NELL1: variants seen among roughly 807,000 people sequenced by gnomAD.
NELL1 encodes the protein protein kinase C-binding protein NELL1.
A neutral mutation model predicts 107.4 loss-of-function variants in NELL1; 76 were observed. The ratio of observed to expected loss-of-function variants is 0.71; its 90% CI spans 0.59 to 0.86. The LOEUF (loss-of-function observed/expected upper bound fraction) is 0.86, where lower values mean the gene tolerates loss of function less well. Ranked by LOEUF, NELL1 falls within the 40% of genes least tolerant of loss-of-function variation. The probability of loss-of-function intolerance (pLI) is 0.00; values close to 1 mark genes in which losing one functional copy is unlikely to be tolerated. For missense variants in NELL1, 1,024 were observed against 1,005.5 expected (o/e 1.02, Z -0.25); for synonymous variants, 353 against 341.2 (o/e 1.03, Z -0.38).
In NELL1 at chr11:21,242,042, A is replaced by G. The variant is rs145246019; in HGVS notation, c.1549+12588A>G. Among the ~76,000 whole-genome samples, 477 of 151,928 alleles carry G rather than the reference A, an allele frequency of 3.1e-3. 2 individuals carry two copies. The highest frequency in any genetic ancestry group is 0.011 in the African/African-American group (455 of 41,460). On this transcript the variant is annotated intron_variant, in intron 14 of 19. Coordinates refer to ENST00000357134, the MANE Select transcript of NELL1 (RefSeq NM_006157.5). Reference sequence around the variant, plus strand: ...TTCACATTTCCTTGTCTGTGAATAGATATGATGGCATTTTCAAATTTTTTT... The same window carrying G: ...TTCACATTTCCTTGTCTGTGAATAGGTATGATGGCATTTTCAAATTTTTTT...
intron 13 of NELL1, among the ~76,000 whole-genome samples, chr11:21,128,260 C>T (rs140452742): frequency 1.4e-4 from 22 of 152,192 alleles, no homozygotes; most frequent in African/African-American, 5.1e-4. Flanking sequence ...TGAGTCTTTG[C>T]CTCATTTATG....
At chr11:20,892,185 C>A (rs1219859409) in intron 5 of NELL1, among the ~76,000 whole-genome samples, 1 of 152,178 alleles carries the variant, frequency 6.6e-6, no homozygotes, top group East Asian at 1.9e-4. Flanking sequence ...ACGGTGCGAT[C>A]AAATTAGAAC....
At chr11:21,033,506 T>G (rs1248702637) in intron 12 of NELL1, among the ~76,000 whole-genome samples, 1 of 152,154 alleles carries the variant, frequency 6.6e-6, no homozygotes, top group Admixed American at 6.6e-5. Context: ...TCTGTTTCTT[T>G]ATTAGTTTTC....
chr11:21,326,376 T>G (rs1474583223), intron 14 of NELL1, among the ~76,000 whole-genome samples: 1 of 151,966 alleles, frequency 6.6e-6, no homozygotes, highest in East Asian at 1.9e-4. Flanking sequence ...ATAATAGGAT[T>G]TTTGTTCATG....
chr11:21,280,303 G>A (rs867720221), intron 14 of NELL1, among the ~76,000 whole-genome samples: 12 of 152,144 alleles, frequency 7.9e-5, no homozygotes, highest in South Asian at 2.1e-4. Flanking sequence ...TGTACCAATC[G>A]TTCCACCTAC....
At chr11:21,536,108 A>AT (rs1401234189) in intron 16 of NELL1, among the ~76,000 whole-genome samples, 1 of 151,972 alleles carries the variant, frequency 6.6e-6, no homozygotes, top group Non-Finnish European at 1.5e-5. Context: ...TTTATTTATT[A>AT]TTTTTTCTAC....
rs1015653209 is a variant in NELL1, at chr11:21,076,415, G to C, written c.1301-37174G>C. ...TGGAGGCAAGGCTGATGGAGAAAGT[G>C]ACCTGGAAATAGTACATGTGTTAGG... On this transcript the variant is annotated intron_variant, in intron 12 of 19. Coordinates refer to ENST00000357134, the MANE Select transcript of NELL1 (RefSeq NM_006157.5). Among the ~76,000 whole-genome samples, 24 of 152,190 alleles carry C rather than the reference G, an allele frequency of 1.6e-4. 1 individual carries two copies. Among genetic ancestry groups the C allele is most frequent in the Non-Finnish European group, 1.5e-5 (1 of 68,044 alleles).
chr11:21,396,673 T>G (rs1851988857), intron 15 of NELL1, among the ~76,000 whole-genome samples: 1 of 151,554 alleles, frequency 6.6e-6, no homozygotes. Flanking sequence ...GTATGAGAGG[T>G]TTAGATCTTT....
intron 12 of NELL1, among the ~76,000 whole-genome samples, chr11:20,999,192 A>G (rs752496327): frequency 6.6e-6 from 1 of 152,200 alleles, no homozygotes; most frequent in Admixed American, 6.5e-5. Context: ...GTCATGGCAG[A>G]ATTCTGTACG....
At position 21,169,785 on chromosome 11, in the gene NELL1, C is replaced by T. The variant is rs527874363; in HGVS notation, c.1426+56071C>T. On this transcript the variant is annotated intron_variant, in intron 13 of 19. Transcript: ENST00000357134. The stretch of plus-strand genomic sequence containing the variant: ...GAGGTGGCGGTGGAGTCCCTCCTGC[C>T]GGGCACCCGGAGAGTGGGACAGAAT... The T allele has an allele frequency of 2.7e-5, 36 of 1,314,438 alleles. No individual in the cohort carries two copies. The East Asian group carries it at 6.4e-4, about 23-fold the overall frequency. 81.4% of individuals were successfully genotyped at this position (1,314,438 alleles called of 1,614,324 possible). A position where few individuals can be genotyped will look rare whatever the true frequency, so the allele number is the denominator to read the frequency against.
chr11:20,778,498 C>CTTTTTTTTTTTTTTTTTTTTTTTTT (rs1161737750), intron 2 of NELL1, among the ~76,000 whole-genome samples: 2 of 73,020 alleles, frequency 2.7e-5, no homozygotes, highest in Non-Finnish European at 5.0e-5. Flanking sequence ...TCACCCAGCA[C>CTTTTTTTTTTTTTTTTTTTTTTTTT]TTTTTTTTTT....
At chr11:21,134,029 G>A (rs1855686415) in intron 13 of NELL1, among the ~76,000 whole-genome samples, 1 of 152,228 alleles carries the variant, frequency 6.6e-6, no homozygotes, top group South Asian at 2.1e-4. Flanking sequence ...CTGCCATCAG[G>A]ATCATGAAAA....
intron 13 of NELL1, among the ~76,000 whole-genome samples, chr11:21,114,649 C>T (rs1167965962): frequency 6.6e-6 from 1 of 151,774 alleles, no homozygotes; most frequent in Non-Finnish European, 1.5e-5. Flanking sequence ...CCAGTGATGT[C>T]TATTTATAAG....
chr11:20,741,243 T>TC (rs1210233577), intron 2 of NELL1, among the ~76,000 whole-genome samples: 5 of 152,150 alleles, frequency 3.3e-5, no homozygotes, highest in Non-Finnish European at 5.9e-5. Context: ...ATAGTGTTTT[T>TC]CCCTCTGCCT....
In NELL1 at chr11:21,534,471, C is replaced by T; in HGVS notation, c.1743C>T (p.Phe581=). The change falls in exon 16 of 20, where the codon TTC becomes TTT. Residue 581 remains phenylalanine (F), a synonymous_variant. Transcript: ENST00000357134. The stretch of plus-strand genomic sequence containing the variant: ...ACCACTGTGAGTGCAGAAGCGGTTT[C>T]CATGACGATGGGACCTATTCACTGT... ...GWYHCECRSG[F]HDDGTYSLSG... The T allele has an allele frequency of 6.2e-7, 1 of 1,613,828 alleles. No individual in the cohort carries two copies. Among genetic ancestry groups the T allele is most frequent in the Non-Finnish European group, 8.5e-7 (1 of 1,179,828 alleles).
intron 14 of NELL1, among the ~76,000 whole-genome samples, chr11:21,353,565 G>A (rs1850864275): frequency 6.6e-6 from 1 of 152,130 alleles, no homozygotes; most frequent in Non-Finnish European, 1.5e-5. Context: ...AGCCCATGTT[G>A]TAGATGAGAT....
intron 2 of NELL1, among the ~76,000 whole-genome samples, chr11:20,772,789 C>G (rs1856666395): frequency 6.6e-6 from 1 of 152,196 alleles, no homozygotes; most frequent in Admixed American, 6.5e-5. Context: ...TGCTGAGGGA[C>G]AGTGGTGCCT....
intron 14 of NELL1, among the ~76,000 whole-genome samples, chr11:21,311,485 A>T (rs998444780): frequency 3.3e-5 from 5 of 152,292 alleles, no homozygotes; most frequent in East Asian, 1.9e-4. Context: ...AAAATCAAAT[A>T]CATAATTTTT....
At chr11:21,128,722 G>A (rs1241846962) in intron 13 of NELL1, among the ~76,000 whole-genome samples, 1 of 152,200 alleles carries the variant, frequency 6.6e-6, no homozygotes, top group East Asian at 1.9e-4. Flanking sequence ...GTCCCAGCCA[G>A]GGGAGTGTGG....
Sources: allele counts gnomAD v4.1 joint callset (sites outside exome capture counted in the v4.1 genomes callset), GRCh38; gene constraint gnomAD v4.1.1; transcripts MANE v1.5; gene names NCBI Gene and HGNC (gene_info 2026-07-23, HGNC 2026-07-21).